KAT2B: variants seen among roughly 807,000 people sequenced by gnomAD.
The protein encoded by KAT2B is lysine acetyltransferase 2B.
A neutral mutation model predicts 105.9 loss-of-function variants in KAT2B; 36 were observed. The ratio of observed to expected loss-of-function variants is 0.34; its 90% CI spans 0.26 to 0.45. The LOEUF is 0.45. Among genes scored for constraint, KAT2B ranks in the 20% least tolerant of loss-of-function variants. KAT2B has a pLI of 1.00. For synonymous variants in KAT2B, 397 were observed against 377.9 expected (o/e 1.05, Z -0.59); for missense variants, 820 against 1,021.6 (o/e 0.80, Z 2.69).
intron 4 of KAT2B, among the ~76,000 whole-genome samples, chr3:20,100,342 G>A (rs895383868): frequency 1.3e-5 from 2 of 152,226 alleles, no homozygotes; most frequent in African/African-American, 2.4e-5. Flanking sequence ...GTAGCAATGT[G>A]AAAAACATTG....
At chr3:20,050,772 C>T (rs1032018726) in intron 1 of KAT2B, among the ~76,000 whole-genome samples, 8 of 149,790 alleles carry the variant, frequency 5.3e-5, no homozygotes, top group Non-Finnish European at 3.0e-5. Context: ...GGCATGATCT[C>T]GGCTCACTGC....
intron 2 of KAT2B, among the ~76,000 whole-genome samples, chr3:20,092,355 A>G (rs12634506): frequency 0.11 from 16,596 of 151,524 alleles, 1,287 homozygotes; most frequent in East Asian, 0.42. Context: ...CAGCCTCTCA[A>G]GTAGCTGGGA....
At chr3:20,122,034 G>A (rs139957254) in intron 8 of KAT2B, among the ~76,000 whole-genome samples, 47 of 152,120 alleles carry the variant, frequency 3.1e-4, no homozygotes, top group Non-Finnish European at 6.6e-4. Flanking sequence ...CGGTGGGGGC[G>A]GGGTGGAATT....
In KAT2B at chr3:20,076,524, C is replaced by T. The variant is rs150096934; in HGVS notation, c.430+4065C>T. On this transcript the variant is annotated intron_variant, in intron 2 of 17. Coordinates refer to ENST00000263754, the MANE Select transcript of KAT2B (RefSeq NM_003884.5). ...TTACTCTTCCTTCCTCCCTCCTTTCCGTGCTTTTTGAAAAACTTTTTTTCT... is the reference window on the plus strand; with the variant it reads ...TTACTCTTCCTTCCTCCCTCCTTTCTGTGCTTTTTGAAAAACTTTTTTTCT... 5.0e-3 allele frequency among the ~76,000 whole-genome samples: 756 copies of T among 152,236 alleles called. 26 individuals carry two copies. The highest frequency in any genetic ancestry group is 2.1e-3 in the Non-Finnish European group (143 of 68,008).
At position 20,137,004 on chromosome 3, in the gene KAT2B, C is replaced by T. The variant is rs766357990; in HGVS notation, c.1812C>T (p.Asn604=). Residue 604 remains asparagine, a synonymous_variant, in exon 12 of 18, where the codon AAC becomes AAT. Coordinates refer to ENST00000263754, the MANE Select transcript of KAT2B (RefSeq NM_003884.5). ...ATCACATAAAGCATGACATCCTGAACTTCCTCACATATGCAGATGAATATG... is the reference window on the plus strand; with the variant it reads ...ATCACATAAAGCATGACATCCTGAATTTCCTCACATATGCAGATGAATATG... ...KEYHIKHDIL[N]FLTYADEYAI... is the part of the protein sequence containing the mutation. 1 of 1,610,414 alleles carries T rather than the reference C, an allele frequency of 6.2e-7. No individual in the cohort carries two copies.
At chr3:20,138,002 C>T (rs1699631955) in intron 12 of KAT2B, among the ~76,000 whole-genome samples, 1 of 152,160 alleles carries the variant, frequency 6.6e-6, no homozygotes, top group Non-Finnish European at 1.5e-5. Context: ...AATAAGTTTT[C>T]AGCTCAGCTT....
At chr3:20,120,447 C>CA (rs1166383762) in intron 8 of KAT2B, among the ~76,000 whole-genome samples, 1 of 152,066 alleles carries the variant, frequency 6.6e-6, no homozygotes, top group African/African-American at 2.4e-5. Context: ...AGGCTGGTCT[C>CA]AAACTCCTGA....
intron 1 of KAT2B, among the ~76,000 whole-genome samples, chr3:20,045,951 A>C (rs1395979766): frequency 2.6e-5 from 4 of 152,214 alleles, no homozygotes; most frequent in Non-Finnish European, 4.4e-5. Context: ...GTCAAGTAAG[A>C]GCAACAGACT....
chr3:20,123,530 G>A (rs1187540095), intron 9 of KAT2B, among the ~76,000 whole-genome samples: 1 of 152,182 alleles, frequency 6.6e-6, no homozygotes, highest in African/African-American at 2.4e-5. Flanking sequence ...GGCTTGCAAA[G>A]TATGAAATAT....
intron 7 of KAT2B, among the ~76,000 whole-genome samples, chr3:20,116,776 G>A (rs1699214614): frequency 6.6e-6 from 1 of 152,118 alleles, no homozygotes; most frequent in Non-Finnish European, 1.5e-5. Flanking sequence ...TGGGAAGTTG[G>A]AATTATGATC....
At chr3:20,150,323 T>C (rs1374070897) in intron 17 of KAT2B, among the ~76,000 whole-genome samples, 1 of 152,250 alleles carries the variant, frequency 6.6e-6, no homozygotes, top group Non-Finnish European at 1.5e-5. Context: ...TCAGTAATTT[T>C]ACATTTTCCC....
chr3:20,044,235 C>G (rs1697767132), intron 1 of KAT2B, among the ~76,000 whole-genome samples: 1 of 151,784 alleles, frequency 6.6e-6, no homozygotes. Context: ...AATCCCAGCA[C>G]TTTGGGAGGC....
intron 8 of KAT2B, 121 bp from the exon 9 acceptor site, chr3:20,122,547 T>G (rs916608621): frequency 1.5e-6 from 1 of 673,306 alleles, no homozygotes; most frequent in African/African-American, 1.8e-5. Context: ...CCCCTTCCCC[T>G]GGTGGTAAAG....
intron 2 of KAT2B, among the ~76,000 whole-genome samples, chr3:20,083,828 CAG>C (rs1014287302): frequency 3.3e-5 from 5 of 152,062 alleles, no homozygotes; most frequent in African/African-American, 1.2e-4. Context: ...TTGGCAGAAA[CAG>C]GGCCAGCAAG....
In KAT2B at chr3:20,111,608, C is replaced by T; in HGVS notation, c.864C>T (p.Tyr288=). ...YKENYTRWLC[Y]CNVPQFCDSL... is the part of the protein sequence containing the mutation. Reference sequence around the variant, plus strand: ...TCTCTTGTCACAGGTGGCTGTGTTACTGCAACGTGCCACAGTTCTGCGACA... The same window carrying T: ...TCTCTTGTCACAGGTGGCTGTGTTATTGCAACGTGCCACAGTTCTGCGACA... Residue 288 remains tyrosine, a synonymous_variant, in exon 6 of 18, where the codon TAC becomes TAT. Transcript: ENST00000263754. The T allele has an allele frequency of 3.1e-6, 5 of 1,609,922 alleles. No individual in the cohort carries two copies. Among genetic ancestry groups the T allele is most frequent in the Non-Finnish European group, 4.2e-6 (5 of 1,178,196 alleles).
intron 5 of KAT2B, among the ~76,000 whole-genome samples, chr3:20,107,183 A>G (rs1575137753): frequency 6.8e-6 from 1 of 147,982 alleles, no homozygotes; most frequent in East Asian, 2.1e-4. Flanking sequence ...GGCATGCGCC[A>G]CCACAGCTGG....
At chr3:20,123,148 C>T (rs969336315) in intron 9 of KAT2B, among the ~76,000 whole-genome samples, 4 of 152,080 alleles carry the variant, frequency 2.6e-5, no homozygotes, top group Non-Finnish European at 5.9e-5. Context: ...AACATTATGC[C>T]ACATTTGCTA....
At chr3:20,076,896 A>G (rs1314351831) in intron 2 of KAT2B, among the ~76,000 whole-genome samples, 1 of 152,236 alleles carries the variant, frequency 6.6e-6, no homozygotes, top group African/African-American at 2.4e-5. Flanking sequence ...ACTCACCAGT[A>G]ATTGTACACA....
At chr3:20,101,500 C>G (rs1448894605) in intron 5 of KAT2B, 32 bp downstream of exon 5, 2 of 1,597,436 alleles carry the variant, frequency 1.3e-6, no homozygotes, top group Admixed American at 1.7e-5. Flanking sequence ...TCCTTTGGCC[C>G]CATAAAGCCT....
Sources: gnomAD v4.1 joint callset for allele counts (sites outside exome capture counted in the v4.1 genomes callset) on GRCh38, gnomAD v4.1.1 for gene constraint, MANE v1.5 for transcripts, NCBI Gene and HGNC (gene_info 2026-07-23, HGNC 2026-07-21) for gene names.